TMEM135: variants seen among roughly 807,000 people sequenced by gnomAD.
TMEM135 encodes peroxisomal membrane protein 52.
A neutral mutation model predicts 60.3 loss-of-function variants in TMEM135; 30 were observed. The observed-to-expected ratio is 0.50, with a 90% CI of 0.37 to 0.68. The LOEUF is 0.68. Ranked by LOEUF, TMEM135 falls within the 30% of genes least tolerant of loss-of-function variation. The pLI, the probability that TMEM135 is intolerant of heterozygous loss-of-function variation, is 0.00. For missense variants in TMEM135, 468 were observed against 548.8 expected, an observed-to-expected ratio of 0.85 and a Z score of 1.47; for synonymous variants, 190 against 186.7, an observed-to-expected ratio of 1.02 and a Z score of -0.14.
chr11:87,296,615 T>G (rs1942352162), intron 7 of TMEM135, among the ~76,000 whole-genome samples: 2 of 152,232 alleles, frequency 1.3e-5, no homozygotes, highest in African/African-American at 4.8e-5. Flanking sequence ...CTAGCAAAAG[T>G]TTTTACCTAA....
intron 4 of TMEM135, among the ~76,000 whole-genome samples, chr11:87,156,621 T>A (rs1427554679): frequency 1.3e-5 from 2 of 152,178 alleles, no homozygotes; most frequent in African/African-American, 4.8e-5. Flanking sequence ...CTGTTGTAAA[T>A]GGAATTGTTT....
chr11:87,044,940 C>T (rs1031305697), intron 1 of TMEM135, among the ~76,000 whole-genome samples: 3 of 152,064 alleles, frequency 2.0e-5, no homozygotes, highest in Non-Finnish European at 4.4e-5. Flanking sequence ...AGCCACCACG[C>T]CCGGCCGTCA....
intron 4 of TMEM135, among the ~76,000 whole-genome samples, chr11:87,124,933 G>C (rs985938227): frequency 1.3e-5 from 2 of 152,068 alleles, no homozygotes; most frequent in African/African-American, 4.8e-5. Context: ...TGCTGTTAGG[G>C]TAAATACTAA....
chr11:87,072,506 G>A (rs937079630), intron 3 of TMEM135, among the ~76,000 whole-genome samples: 6 of 152,020 alleles, frequency 3.9e-5, no homozygotes, highest in African/African-American at 1.2e-4. Flanking sequence ...TTAGCCTCCC[G>A]AGTAGCTGGG....
At chr11:87,170,621 T>C (rs979436048) in intron 5 of TMEM135, among the ~76,000 whole-genome samples, 1 of 152,164 alleles carries the variant, frequency 6.6e-6, no homozygotes, top group Admixed American at 6.5e-5. Flanking sequence ...CAGCTGAGGC[T>C]GCAGAACAGC....
chr11:87,180,022 T>C (rs1939475123), intron 5 of TMEM135, among the ~76,000 whole-genome samples: 1 of 152,186 alleles, frequency 6.6e-6, no homozygotes, highest in Non-Finnish European at 1.5e-5. Flanking sequence ...ATTCTTGGTC[T>C]GCACAACAGA....
intron 5 of TMEM135, among the ~76,000 whole-genome samples, chr11:87,199,831 G>T (rs1415784555): frequency 6.6e-6 from 1 of 152,180 alleles, no homozygotes; most frequent in Non-Finnish European, 1.5e-5. Context: ...TAGGGAGGCT[G>T]AGGCAGGAGA....
rs189346069 is a variant in TMEM135 at position 87,201,950 on chromosome 11, T to G, written c.463-34688T>G. 8.7e-4 allele frequency among the ~76,000 whole-genome samples: 120 copies of G among 137,926 alleles called. 1 individual carries two copies. The highest frequency in any genetic ancestry group is 1.6e-3 in the Non-Finnish European group (103 of 63,996). The allele number at this position is 137,926 out of a possible 152,430, so 90.5% of individuals were successfully genotyped here. A position where few individuals can be genotyped will look rare whatever the true frequency, so the allele number is the denominator to read the frequency against. ...ATGCATTCACTTTTGGTATTTATTT[T>G]TTATGTTATGTTATGTTATGTTATG... is the stretch of plus-strand genomic sequence containing the variant. On this transcript the variant is annotated intron_variant, in intron 5 of 14. Coordinates refer to ENST00000305494, the MANE Select transcript of TMEM135 (RefSeq NM_022918.4).
At chr11:87,055,706 TCAG>T (rs1949887959) in intron 1 of TMEM135, among the ~76,000 whole-genome samples, 1 of 152,106 alleles carries the variant, frequency 6.6e-6, no homozygotes, top group Non-Finnish European at 1.5e-5. Context: ...GTCTCCTGCC[TCAG>T]CCTCCTGTGT....
At chr11:87,213,619 G>C (rs1488093178) in intron 5 of TMEM135, among the ~76,000 whole-genome samples, 1 of 152,050 alleles carries the variant, frequency 6.6e-6, no homozygotes, top group Non-Finnish European at 1.5e-5. Context: ...CATATTAGTA[G>C]GTAGTTTCTG....
intron 4 of TMEM135, among the ~76,000 whole-genome samples, chr11:87,122,170 T>C (rs1256336736): frequency 1.3e-5 from 2 of 152,172 alleles, no homozygotes; most frequent in African/African-American, 4.8e-5. Context: ...GCCTACATTA[T>C]ACATATTAAA....
intron 7 of TMEM135, among the ~76,000 whole-genome samples, chr11:87,298,697 G>C (rs1942389898): frequency 6.8e-6 from 1 of 146,252 alleles, no homozygotes; most frequent in Non-Finnish European, 1.5e-5. Context: ...TGAGGGAGGA[G>C]AATGGCTTGA....
chr11:87,062,088 C>T (rs954075429), intron 1 of TMEM135, among the ~76,000 whole-genome samples: 4 of 152,130 alleles, frequency 2.6e-5, no homozygotes, highest in African/African-American at 9.7e-5. Flanking sequence ...TCACTGCAGC[C>T]TCCACCTTCT....
At chr11:87,258,194 CT>C (rs33923056) in intron 6 of TMEM135, among the ~76,000 whole-genome samples, 38,197 of 148,368 alleles carry the variant, frequency 0.26, 5,329 homozygotes, top group East Asian at 0.36. Flanking sequence ...GGGGAAAAGC[CT>C]TTTTTTTTTT....
intron 6 of TMEM135, chr11:87,258,931 T>C (rs1349471130): frequency 8.5e-6 from 12 of 1,418,932 alleles, no homozygotes; most frequent in Non-Finnish European, 1.2e-5. Flanking sequence ...TATCTGCTGC[T>C]GCTGCAGTTG....
chr11:87,116,552 T>C (rs1002466733), intron 4 of TMEM135, among the ~76,000 whole-genome samples: 1 of 146,174 alleles, frequency 6.8e-6, no homozygotes, highest in African/African-American at 2.5e-5. Context: ...TTAAATTAGC[T>C]GTCTTAATAG....
intron 6 of TMEM135, among the ~76,000 whole-genome samples, chr11:87,250,888 A>G (rs538607402): frequency 6.2e-4 from 95 of 152,304 alleles, no homozygotes; most frequent in Admixed American, 2.3e-3. Context: ...GAGGGAGTAT[A>G]TCACAGGTAA....
intron 4 of TMEM135, among the ~76,000 whole-genome samples, chr11:87,114,226 T>A (rs1857821754): frequency 1.3e-5 from 2 of 151,912 alleles, no homozygotes; most frequent in South Asian, 4.1e-4. Flanking sequence ...CTAGAAACAG[T>A]GAAACCAACT....
chr11:87,210,684 A>G (rs1052397264), intron 5 of TMEM135, among the ~76,000 whole-genome samples: 26 of 152,098 alleles, frequency 1.7e-4, no homozygotes, highest in African/African-American at 6.3e-4. Context: ...CATCATTCTG[A>G]GAGAGCAACA....
Sources: gnomAD v4.1 joint callset for allele counts (sites outside exome capture counted in the v4.1 genomes callset) on GRCh38, gnomAD v4.1.1 for gene constraint, MANE v1.5 for transcripts, NCBI Gene and HGNC (gene_info 2026-07-23, HGNC 2026-07-21) for gene names.